NCOR2: variants seen among roughly 807,000 people sequenced by gnomAD.
NCOR2 encodes the protein nuclear receptor corepressor 2.
Under a neutral mutation model 262.9 loss-of-function variants are expected in NCOR2, and 81 were observed. The ratio of observed to expected loss-of-function variants is 0.31; its 90% CI spans 0.26 to 0.37. The LOEUF (loss-of-function observed/expected upper bound fraction) is 0.37. NCOR2 is among the 10% of genes least tolerant of loss of function. NCOR2 has a pLI of 1.00. For missense variants in NCOR2, 3,385 were observed against 3,621.4 expected, an observed-to-expected ratio of 0.93 and a Z score of 1.68; for synonymous variants, 1,659 against 1,559.3, an observed-to-expected ratio of 1.06 and a Z score of -1.51.
chr12:124,335,693 C>T, intron 38 of NCOR2, 61 bp from the exon 41 acceptor site: 1 of 1,528,464 alleles, frequency 6.5e-7, no homozygotes, highest in Non-Finnish European at 8.8e-7. Flanking sequence ...GCCCGAGGGG[C>T]AGGGCTGCCC....
exon 2 of NCOR2, chr12:124,486,451 C>G (rs755402351): frequency 3.7e-6 from 6 of 1,612,562 alleles, no homozygotes; most frequent in Non-Finnish European, 5.1e-6. Flanking sequence ...CGTTCATTCC[C>G]GGGCTGGAAC....
At chr12:124,377,758 G>A (rs1383282276) in intron 18 of NCOR2, among the ~76,000 whole-genome samples, 2 of 150,904 alleles carry the variant, frequency 1.3e-5, no homozygotes, top group African/African-American at 4.9e-5. Flanking sequence ...AGAATTGCTT[G>A]AACCCGAGAG....
chr12:124,374,478 G>A lies in NCOR2; in HGVS notation c.2168-15C>T. 6.2e-7 allele frequency: 1 copy of A among 1,611,408 alleles called. No homozygotes were observed. The highest frequency in any genetic ancestry group is 8.5e-7 in the Non-Finnish European group (1 of 1,179,094). On this transcript the variant is annotated splice_polypyrimidine_tract_variant and intron_variant, in intron 18 of 46. Transcript: ENST00000405201. Reference sequence around the variant, plus strand: ...GGCATGTAAGGCTGGAAGGAAGTCAGAGAAGAGTTAGAAGTGAGGCAGCAC... The same window carrying A: ...GGCATGTAAGGCTGGAAGGAAGTCAAAGAAGAGTTAGAAGTGAGGCAGCAC...
chr12:124,350,070 C>T (rs907838646), intron 28 of NCOR2, among the ~76,000 whole-genome samples: 3 of 152,166 alleles, frequency 2.0e-5, no homozygotes, highest in Non-Finnish European at 4.4e-5. Context: ...CATCTCCACA[C>T]CCCTGGGTGC....
chr12:124,490,792 C>A (rs1230274792), intron 1 of NCOR2, among the ~76,000 whole-genome samples: 1 of 152,244 alleles, frequency 6.6e-6, no homozygotes, highest in Non-Finnish European at 1.5e-5. Context: ...TTGCCAACTG[C>A]AACGAAGTGG....
At chr12:124,413,474 G>A (rs1254306111) in intron 13 of NCOR2, among the ~76,000 whole-genome samples, 1 of 152,184 alleles carries the variant, frequency 6.6e-6, no homozygotes, top group African/African-American at 2.4e-5. Context: ...ACCTCCTGGG[G>A]GGTCTGTGGG....
At position 124,531,530 on chromosome 12, in the gene NCOR2, G is replaced by A. The variant is rs1329040154; in HGVS notation, c.-118+4035C>T. On this transcript the variant is annotated intron_variant, in intron 1 of 46. Transcript: ENST00000404621. The surrounding 1 kb of genome is among the most constrained non-coding windows in gnomAD (Gnocchi z 4.5). ...GGGGTAGGGAGCAGGAAGGAAGGGG[G>A]AGGGGAGGAAGGGATTGCAGGGAGC... Among the ~76,000 whole-genome samples the A allele has an allele frequency of 6.6e-6, 1 of 152,170 alleles. No homozygotes were observed. The highest frequency in any genetic ancestry group is 2.4e-5 in the African/African-American group (1 of 41,432).
rs202201796 is a variant in NCOR2 at position 124,378,222 on chromosome 12, C to T, written c.2167+15G>A. 9.3e-6 allele frequency: 15 copies of T among 1,609,998 alleles called. No homozygotes were observed. In the South Asian group the frequency reaches 1.1e-4, roughly 12 times the overall value. On this transcript the variant is annotated intron_variant, in intron 18 of 46. Transcript: ENST00000405201. This position sits in a 1 kb window ranked among gnomAD's most constrained non-coding sequence, Gnocchi z 4.2. ...CCACAGCTGCCAGCCACCTCCAAGCCGCGCCAGCCCTCACCTTCAGCCTCC... is the reference window on the plus strand; with the variant it reads ...CCACAGCTGCCAGCCACCTCCAAGCTGCGCCAGCCCTCACCTTCAGCCTCC...
At chr12:124,413,948 A>G (rs186739408) in intron 13 of NCOR2, among the ~76,000 whole-genome samples, 1 of 123,712 alleles carries the variant, frequency 8.1e-6, no homozygotes, top group African/African-American at 3.0e-5. Context: ...ACTCCCACCC[A>G]CCCCATATCA....
rs1040925188 is a variant in NCOR2 at position 124,363,612 on chromosome 12, C to T, written c.2928+67G>A. Reference sequence around the variant, plus strand: ...TGCATGCTCCCGCCCGTGGGATTCTCTGTCTCAATGAATGGGAAAGTCAAG... The same window carrying T: ...TGCATGCTCCCGCCCGTGGGATTCTTTGTCTCAATGAATGGGAAAGTCAAG... On this transcript the variant is annotated intron_variant, in intron 21 of 46. Transcript: ENST00000405201. The T allele has an allele frequency of 1.2e-5, 15 of 1,302,054 alleles. No individual in the cohort carries two copies. The Middle Eastern group carries it at 6.1e-4, about 53-fold the overall frequency. The allele number at this position is 1,302,054 out of a possible 1,614,324, so 80.7% of individuals were successfully genotyped here.
upstream of NCOR2, among the ~76,000 whole-genome samples, chr12:124,535,864 C>A (rs1032501285): frequency 5.3e-5 from 8 of 150,444 alleles, no homozygotes; most frequent in Admixed American, 6.6e-5. Flanking sequence ...AGCTGTGATT[C>A]AATCCCAGAT....
intron 22 of NCOR2, among the ~76,000 whole-genome samples, chr12:124,357,835 CATGTGTGTGTGAGTGCATGG>C (rs1320567230): frequency 6.1e-5 from 1 of 16,444 alleles, no homozygotes; most frequent in Non-Finnish European, 2.5e-4. Flanking sequence ...CGTGTATGTG[CATGTGTGTGTGAGTGCATGG>C]ATGTGTGTGT....
intron 20 of NCOR2, among the ~76,000 whole-genome samples, chr12:124,370,863 G>C (rs2039441521): frequency 6.6e-6 from 1 of 152,174 alleles, no homozygotes; most frequent in South Asian, 2.1e-4. Flanking sequence ...CAGCTGGAGA[G>C]GAATTTGCAA....
At chr12:124,448,881 T>C (rs1363017771) in intron 7 of NCOR2, among the ~76,000 whole-genome samples, 2 of 152,038 alleles carry the variant, frequency 1.3e-5, no homozygotes, top group African/African-American at 4.8e-5. Flanking sequence ...GCTAAACGCC[T>C]CCCTTTGCAG....
intron 17 of NCOR2, among the ~76,000 whole-genome samples, chr12:124,380,229 G>A (rs1453433921): frequency 6.6e-6 from 1 of 152,234 alleles, no homozygotes; most frequent in Non-Finnish European, 1.5e-5. Flanking sequence ...GGGCCTCATG[G>A]AGGGGAGGAG....
intron 1 of NCOR2, among the ~76,000 whole-genome samples, chr12:124,559,996 A>G (rs1443732195): frequency 1.3e-5 from 2 of 152,360 alleles, no homozygotes; most frequent in East Asian, 3.9e-4. Flanking sequence ...TTCCTACTGC[A>G]TTCTACAACA....
chr12:124,388,815 GGCGTCT>G (rs2041030010), intron 16 of NCOR2: 1 of 1,296,114 alleles, frequency 7.7e-7, no homozygotes, highest in Admixed American at 2.3e-5. Context: ...GCTGCTGGTT[GGCGTCT>G]GCTGGCGGCT....
At chr12:124,403,698 CG>C (rs2042108765) in intron 13 of NCOR2, among the ~76,000 whole-genome samples, 3 of 152,158 alleles carry the variant, frequency 2.0e-5, no homozygotes, top group Admixed American at 2.0e-4. Context: ...GAGGAGGGAT[CG>C]GGGAGGTGAG....
At chr12:124,501,359 C>T (rs1298076959) in intron 1 of NCOR2, among the ~76,000 whole-genome samples, 1 of 151,988 alleles carries the variant, frequency 6.6e-6, no homozygotes, top group African/African-American at 2.4e-5. Context: ...CTGGCACACA[C>T]GAGGCGTATT....
Sources: gnomAD v4.1 joint callset for allele counts (sites outside exome capture counted in the v4.1 genomes callset) on GRCh38, gnomAD v4.1.1 for gene constraint, Gnocchi (gnomAD v3.1) non-coding constraint, MANE v1.5 for transcripts, NCBI Gene and HGNC (gene_info 2026-07-23, HGNC 2026-07-21) for gene names.